DLGAP4: variants seen among roughly 807,000 people sequenced by gnomAD.
DLGAP4 encodes disks large-associated protein 4.
In DLGAP4, 18 loss-of-function variants were observed where a neutral mutation model predicts 86.9. The observed-to-expected ratio is 0.21, with a 90% CI of 0.14 to 0.31. The LOEUF (loss-of-function observed/expected upper bound fraction) is 0.31, where lower values mean the gene tolerates loss of function less well. Among genes scored for constraint, DLGAP4 ranks in the 10% least tolerant of loss-of-function variants. The probability of loss-of-function intolerance (pLI) is 1.00; values close to 1 mark genes in which losing one functional copy is unlikely to be tolerated. For missense variants in DLGAP4, 1,085 were observed against 1,362.6 expected, an observed-to-expected ratio of 0.80 and a Z score of 3.21; for synonymous variants, 548 against 574.3, an observed-to-expected ratio of 0.95 and a Z score of 0.65.
At chr20:36,341,411 C>A (rs979017416) in intron 1 of DLGAP4, among the ~76,000 whole-genome samples, 2 of 152,224 alleles carry the variant, frequency 1.3e-5, no homozygotes, top group Non-Finnish European at 2.9e-5. Flanking sequence ...ACTGCCCCAA[C>A]CCCAGCCCCT....
At chr20:36,454,087 A>C (rs761973481) in intron 7 of DLGAP4, among the ~76,000 whole-genome samples, 31 of 151,986 alleles carry the variant, frequency 2.0e-4, no homozygotes, top group Non-Finnish European at 3.4e-4. Flanking sequence ...AATGGCCAAC[A>C]TGGCAAAACC....
chr20:36,384,305 C>T (rs2031518171), intron 2 of DLGAP4, among the ~76,000 whole-genome samples: 1 of 152,096 alleles, frequency 6.6e-6, no homozygotes, highest in Non-Finnish European at 1.5e-5. Context: ...GAATCATTTC[C>T]AGGACTGTGT....
At chr20:36,433,503 C>G (rs1035486163) in intron 3 of DLGAP4, among the ~76,000 whole-genome samples, 1 of 152,142 alleles carries the variant, frequency 6.6e-6, no homozygotes, top group African/African-American at 2.4e-5. Context: ...CTGAATGGCT[C>G]CCCAGGGCAA....
chr20:36,362,717 G>A (rs186410531), intron 1 of DLGAP4, among the ~76,000 whole-genome samples: 41 of 152,356 alleles, frequency 2.7e-4, no homozygotes, highest in African/African-American at 9.9e-4. Context: ...ACTTTAGTGA[G>A]AGGAGCAGGC....
In DLGAP4 at chr20:36,496,778, C is replaced by G; in HGVS notation, c.1722C>G (p.Ile574Met). The G allele has an allele frequency of 1.2e-6, 2 of 1,614,198 alleles. No homozygotes were observed. Among genetic ancestry groups the G allele is most frequent in the Non-Finnish European group, 1.7e-6 (2 of 1,179,988 alleles). Residue 574 changes from isoleucine to methionine, a missense_variant, in exon 8 of 13, where the codon ATC (isoleucine) becomes ATG (methionine). By Grantham distance (10) the Ile-to-Met change is conservative. Around this residue, in one of 2 missense-constraint regions of DLGAP4, gnomAD observed 1,082 missense variants for 1,344.1 expected, o/e 0.81. Coordinates refer to ENST00000339266, the MANE Select transcript of DLGAP4 (RefSeq NM_001365621.2). ...CACGCACCACTTCAAAGCCGTTCAT[C>G]TCAGTCACAGTCCAGAGCAGTACTG... ...VPPRTTSKPFISVTVQSSTES... is the reference protein window; with the variant it reads ...VPPRTTSKPFMSVTVQSSTES...
intron 1 of DLGAP4, among the ~76,000 whole-genome samples, chr20:36,323,462 A>G (rs2065188966): frequency 6.6e-6 from 1 of 152,164 alleles, no homozygotes; most frequent in African/African-American, 2.4e-5. Flanking sequence ...GCTGCCTAGT[A>G]TTCCACTTAG....
chr20:36,385,676 C>T (rs538970687), intron 2 of DLGAP4, among the ~76,000 whole-genome samples: 1 of 152,354 alleles, frequency 6.6e-6, no homozygotes, highest in Non-Finnish European at 1.5e-5. Context: ...GTTCCTCCAC[C>T]AGCCTCCCTA....
Position 36,500,070 on chromosome 20 carries a change from C to A in DLGAP4, c.2100-129C>A, listed in dbSNP as rs2036071114. 9 of 1,121,654 alleles carry A rather than the reference C, an allele frequency of 8.0e-6. 1 individual carries two copies. The highest frequency in any genetic ancestry group is 5.1e-5 in the East Asian group (2 of 39,408). 69.5% of individuals were successfully genotyped at this position (1,121,654 alleles called of 1,614,324 possible). ...TGGGGGCTGTGGGACCCGCTTCAGGCGCATGGTGAGCAGATGATGCATCCG... is the reference window on the plus strand; with the variant it reads ...TGGGGGCTGTGGGACCCGCTTCAGGAGCATGGTGAGCAGATGATGCATCCG... On this transcript the variant is annotated intron_variant, in intron 9 of 12. Coordinates refer to ENST00000339266, the MANE Select transcript of DLGAP4 (RefSeq NM_001365621.2). This position sits in a 1 kb window ranked among gnomAD's most constrained non-coding sequence, Gnocchi z 4.6.
intron 7 of DLGAP4, among the ~76,000 whole-genome samples, chr20:36,484,224 C>T (rs2035310925): frequency 6.6e-6 from 1 of 152,212 alleles, no homozygotes; most frequent in Admixed American, 6.5e-5. Context: ...TAAAGTGCTT[C>T]ATGCTAGGCC....
At chr20:36,449,473 G>C (rs189721761) in intron 7 of DLGAP4, among the ~76,000 whole-genome samples, 56 of 152,206 alleles carry the variant, frequency 3.7e-4, no homozygotes, top group Non-Finnish European at 6.6e-4. Context: ...TGCTGTTACC[G>C]GTAGCCCTGC....
At chr20:36,384,280 C>CTT (rs995281287) in intron 2 of DLGAP4, among the ~76,000 whole-genome samples, 4 of 152,084 alleles carry the variant, frequency 2.6e-5, no homozygotes, top group African/African-American at 9.7e-5. Flanking sequence ...TCGGTTCTGT[C>CTT]TTGAGAGTTT....
At chr20:36,513,858 G>A (rs553694930) in intron 10 of DLGAP4, among the ~76,000 whole-genome samples, 38 of 152,248 alleles carry the variant, frequency 2.5e-4, no homozygotes, top group African/African-American at 8.7e-4. Context: ...TGTCGATCTG[G>A]GGGAAAGTCA....
At chr20:36,517,329 G>A (rs1178505489) in intron 10 of DLGAP4, among the ~76,000 whole-genome samples, 3 of 152,114 alleles carry the variant, frequency 2.0e-5, no homozygotes. Context: ...AGTGAGCTGA[G>A]ATTGCGCCAC....
intron 2 of DLGAP4, among the ~76,000 whole-genome samples, chr20:36,387,340 T>A (rs768671047): frequency 1.3e-5 from 2 of 152,242 alleles, no homozygotes; most frequent in Non-Finnish European, 2.9e-5. Context: ...TCATATACTT[T>A]GCCCAGTTTT....
chr20:36,410,064 C>T (rs1034280207), intron 2 of DLGAP4, among the ~76,000 whole-genome samples: 1 of 151,706 alleles, frequency 6.6e-6, no homozygotes, highest in Non-Finnish European at 1.5e-5. Context: ...ACTCCTCCTA[C>T]TCTTTCTTCC....
chr20:36,352,736 G>A (rs1332104655), intron 1 of DLGAP4, among the ~76,000 whole-genome samples: 7 of 152,064 alleles, frequency 4.6e-5, no homozygotes, highest in Admixed American at 3.3e-4. Flanking sequence ...GATGTCTAGA[G>A]TTTGGGGGAG....
chr20:36,467,733 C>A (rs979576206), intron 7 of DLGAP4, among the ~76,000 whole-genome samples: 1 of 152,128 alleles, frequency 6.6e-6, no homozygotes, highest in Non-Finnish European at 1.5e-5. Context: ...TCTGATGGGC[C>A]AGAAGGGAAA....
intron 10 of DLGAP4, among the ~76,000 whole-genome samples, chr20:36,501,212 C>T (rs1216585289): frequency 1.3e-5 from 2 of 151,978 alleles, no homozygotes; most frequent in Admixed American, 6.6e-5. Context: ...ACTACAGGCA[C>T]GTGCCACCAC....
chr20:36,412,223 G>T (rs2147503595), intron 2 of DLGAP4, among the ~76,000 whole-genome samples: 1 of 152,376 alleles, frequency 6.6e-6, no homozygotes, highest in South Asian at 2.1e-4. Flanking sequence ...CCCAGTGGGG[G>T]CCGGAATGAA....
Sources: allele counts gnomAD v4.1 joint callset (sites outside exome capture counted in the v4.1 genomes callset), GRCh38; gene constraint gnomAD v4.1.1; regional missense constraint gnomAD v4.1.1; non-coding constraint Gnocchi (gnomAD v3.1); transcripts MANE v1.5; gene names NCBI Gene and HGNC (gene_info 2026-07-23, HGNC 2026-07-21).